The following STPG2 variants were observed in gnomAD, a reference collection of about 807,000 sequenced individuals.
STPG2 encodes sperm-tail PG-rich repeat-containing protein 2.
In STPG2, 56 loss-of-function variants were observed where a neutral mutation model predicts 54.2. That is an observed-to-expected ratio of 1.03 (90% CI 0.83 to 1.29). The LOEUF (loss-of-function observed/expected upper bound fraction) is 1.29. Ranked by LOEUF, STPG2 falls within the 50% of genes most tolerant of loss-of-function variation. STPG2 has a pLI of 0.00. For missense variants in STPG2, 596 were observed against 544.9 expected (o/e 1.09, Z -0.93); for synonymous variants, 200 against 181.8 (o/e 1.10, Z -0.81).
rs551361919 is a variant in STPG2 at position 98,053,627 on chromosome 4, T to G, written c.612+52326A>C. ...GCCTGTCTTCAAATGTACTTCCTCC[T>G]TCCATTTTCTTCTGTACATCAGTTT... On this transcript the variant is annotated intron_variant, in intron 5 of 10. Coordinates refer to ENST00000295268, the MANE Select transcript of STPG2 (RefSeq NM_174952.3). 2.0e-5 allele frequency among the ~76,000 whole-genome samples: 3 copies of G among 152,290 alleles called. No homozygotes were observed. The South Asian group carries it at 6.2e-4, about 32-fold the overall frequency.
At chr4:97,778,766 T>C (rs1447207495) in intron 9 of STPG2, among the ~76,000 whole-genome samples, 1 of 152,202 alleles carries the variant, frequency 6.6e-6, no homozygotes, top group Non-Finnish European at 1.5e-5. Flanking sequence ...CAACATTTGC[T>C]ATTCAGCAAT....
chr4:97,686,675 T>G (rs1723198015), intron 10 of STPG2, among the ~76,000 whole-genome samples: 1 of 152,240 alleles, frequency 6.6e-6, no homozygotes, highest in South Asian at 2.1e-4. Flanking sequence ...TAAAATTATT[T>G]GTTCACAAAT....
rs535611221 is a variant in STPG2, at chr4:98,076,436, A to G, written c.612+29517T>C. Among the ~76,000 whole-genome samples, 4 of 152,338 alleles carry G rather than the reference A, an allele frequency of 2.6e-5. No homozygotes were observed. In the South Asian group the frequency reaches 8.3e-4, roughly 32 times the overall value. ...TTTTTAATCACAATTGAAAATATCA[A>G]CATGTTTGTTTCCACATAAACATTT... On this transcript the variant is annotated intron_variant, in intron 5 of 10. Coordinates refer to ENST00000295268, the MANE Select transcript of STPG2 (RefSeq NM_174952.3).
At chr4:97,848,116 C>A (rs968729434) in intron 8 of STPG2, among the ~76,000 whole-genome samples, 9 of 152,160 alleles carry the variant, frequency 5.9e-5, no homozygotes, top group Non-Finnish European at 1.3e-4. Flanking sequence ...AGGAAACTCT[C>A]CTTGGCATCC....
chr4:97,783,401 C>G (rs1027372105), intron 9 of STPG2, among the ~76,000 whole-genome samples: 8 of 152,146 alleles, frequency 5.3e-5, no homozygotes, highest in Non-Finnish European at 8.8e-5. Context: ...GTTAGAATGG[C>G]GATCATTAAA....
At chr4:97,793,527 T>G (rs1727073645) in intron 9 of STPG2, among the ~76,000 whole-genome samples, 1 of 152,032 alleles carries the variant, frequency 6.6e-6, no homozygotes, top group African/African-American at 2.4e-5. Flanking sequence ...TTTGAATGAA[T>G]GAGTGAATAA....
chr4:97,527,353 G>A lies in STPG2; in HGVS notation c.462+185346C>T, dbSNP rs182782728. ...CTCATCCTTTTCTTATACCTGCATAGTATTCCATGGTGTATATGTGCCACA... is the reference window on the plus strand; with the variant it reads ...CTCATCCTTTTCTTATACCTGCATAATATTCCATGGTGTATATGTGCCACA... On this transcript the variant is annotated intron_variant, in intron 4 of 4. Coordinates refer to the STPG2 transcript ENST00000522676. Among the ~76,000 whole-genome samples the A allele has an allele frequency of 4.2e-3, 633 of 152,246 alleles. 3 individuals are homozygous for A. Among genetic ancestry groups the A allele is most frequent in the South Asian group, 0.02 (97 of 4,824 alleles).
chr4:97,974,823 T>C (rs941694631), intron 6 of STPG2, among the ~76,000 whole-genome samples: 1 of 151,952 alleles, frequency 6.6e-6, no homozygotes, highest in Non-Finnish European at 1.5e-5. Flanking sequence ...ATCAGCAGCA[T>C]GAACATGGGC....
At chr4:97,613,472 AC>A (rs1733780393) in intron 10 of STPG2, among the ~76,000 whole-genome samples, 1 of 134,850 alleles carries the variant, frequency 7.4e-6, no homozygotes, top group African/African-American at 2.8e-5. Flanking sequence ...TCTAGTCATC[AC>A]CCGTGTGTGT....
At chr4:97,599,209 A>G (rs1733388697) in intron 10 of STPG2, among the ~76,000 whole-genome samples, 1 of 152,232 alleles carries the variant, frequency 6.6e-6, no homozygotes, top group South Asian at 2.1e-4. Context: ...ATCTCACACC[A>G]GTCAGAGTGA....
chr4:97,889,868 T>G (rs1730705559), intron 8 of STPG2, among the ~76,000 whole-genome samples: 1 of 152,168 alleles, frequency 6.6e-6, no homozygotes, highest in African/African-American at 2.4e-5. Context: ...GTACTACACA[T>G]TAGTTAGCTA....
chr4:97,827,329 G>A (rs181275205), intron 9 of STPG2, among the ~76,000 whole-genome samples: 151 of 147,624 alleles, frequency 1.0e-3, no homozygotes, highest in Non-Finnish European at 1.6e-3. Context: ...TCCTCATCCC[G>A]GGTTCACGCC....
chr4:97,568,943 G>C (rs1732528195), intron 10 of STPG2, among the ~76,000 whole-genome samples: 1 of 151,160 alleles, frequency 6.6e-6, no homozygotes, highest in Non-Finnish European at 1.5e-5. Context: ...GTTGTTACTG[G>C]AAAGGGGTAG....
At chr4:98,071,433 A>G (rs905317392) in intron 5 of STPG2, among the ~76,000 whole-genome samples, 1 of 150,900 alleles carries the variant, frequency 6.6e-6, no homozygotes, top group African/African-American at 2.5e-5. Flanking sequence ...TGGATTAAAG[A>G]TTTACATGAA....
chr4:97,446,672 T>C (rs1729230018), intron 4 of STPG2, among the ~76,000 whole-genome samples: 1 of 152,134 alleles, frequency 6.6e-6, no homozygotes, highest in African/African-American at 2.4e-5. Context: ...TCTCATGAGA[T>C]CTGATGGTTT....
intron 10 of STPG2, among the ~76,000 whole-genome samples, chr4:97,673,817 T>C (rs930806157): frequency 4.6e-5 from 7 of 152,222 alleles, no homozygotes; most frequent in African/African-American, 1.7e-4. Flanking sequence ...TATATATGTA[T>C]GTATTCTAAG....
chr4:97,907,813 A>T (rs1319771614), intron 8 of STPG2, among the ~76,000 whole-genome samples: 2 of 152,218 alleles, frequency 1.3e-5, no homozygotes, highest in Non-Finnish European at 2.9e-5. Context: ...CTGGCTAGCC[A>T]TATGTAGAAA....
At chr4:98,064,591 T>C (rs968036985) in intron 5 of STPG2, among the ~76,000 whole-genome samples, 8 of 152,210 alleles carry the variant, frequency 5.3e-5, no homozygotes, top group African/African-American at 1.9e-4. Context: ...ATATTGGGTT[T>C]AGAGGATATA....
intron 10 of STPG2, among the ~76,000 whole-genome samples, chr4:97,628,362 CT>C (rs1469527301): frequency 6.6e-6 from 1 of 152,098 alleles, no homozygotes; most frequent in African/African-American, 2.4e-5. Context: ...AAAAATAAAG[CT>C]GTGCCAGAGT....
Sources: gnomAD v4.1 joint callset for allele counts (sites outside exome capture counted in the v4.1 genomes callset) on GRCh38, gnomAD v4.1.1 for gene constraint, MANE v1.5 for transcripts, NCBI Gene and HGNC (gene_info 2026-07-23, HGNC 2026-07-21) for gene names.